The following ETAA1 variants were observed in gnomAD, a reference collection of about 807,000 sequenced individuals.
ETAA1 encodes the protein ewing's tumor-associated antigen 1.
In ETAA1, 49 loss-of-function variants were observed where a neutral mutation model predicts 76.8. The ratio of observed to expected loss-of-function variants is 0.64; its 90% confidence interval spans 0.51 to 0.81. The LOEUF (loss-of-function observed/expected upper bound fraction) is 0.81. ETAA1 is among the 30% of genes least tolerant of loss of function. The pLI is 0.00. For synonymous variants in ETAA1, 373 were observed against 372.2 expected (o/e 1.00, Z -0.03); for missense variants, 1,099 against 1,074.0 (o/e 1.02, Z -0.32).
chr2:67,405,511 A>G (rs1676193076), intron 5 of ETAA1, among the ~76,000 whole-genome samples, 176 bp downstream of exon 5: 3 of 152,028 alleles, frequency 2.0e-5, no homozygotes, highest in Admixed American at 2.0e-4. Flanking sequence ...ATACGGCATT[A>G]TACAGAGTAG....
At position 67,410,257 on chromosome 2, in the gene ETAA1, G is replaced by C. The variant is rs1676338108; in HGVS notation, c.*219G>C. The C allele has an allele frequency of 2.1e-6, 1 of 480,954 alleles. No individual in the cohort carries two copies. Among genetic ancestry groups the C allele is most frequent in the Non-Finnish European group, 3.6e-6 (1 of 276,714 alleles). The allele number at this position is 480,954 out of a possible 1,614,324, so 29.8% of individuals were successfully genotyped here. A position where few individuals can be genotyped will look rare whatever the true frequency, so the allele number is the denominator to read the frequency against. On this transcript the variant is annotated 3_prime_UTR_variant, in exon 6 of 6. Transcript: ENST00000272342. The stretch of plus-strand genomic sequence containing the variant: ...AAATACAAAAGTTTTGGAAATTCAG[G>C]AAAGTTAGCAATTATGTACGGATAT...
chr2:67,399,622 C>T lies in ETAA1; in HGVS notation c.425C>T (p.Pro142Leu), dbSNP rs1352650361. ...TCACATATTGTTAATCGTATTGCTC[C>T]TCAGGTAAATATCACTAGTTTTACA... ...EISHIVNRIA[P>L]QDEKPTTNSM... The change falls in exon 3 of 6, where the codon CCT becomes CTT. Residue 142 changes from proline (P) to leucine (L), a missense_variant. Physicochemically the swap from Pro to Leu is moderately conservative, Grantham distance 98 (BLOSUM62 -3). Coordinates refer to ENST00000272342, the MANE Select transcript of ETAA1 (RefSeq NM_019002.4). 6.3e-7 allele frequency: 1 copy of T among 1,598,982 alleles called. No individual in the cohort carries two copies. Among genetic ancestry groups the T allele is most frequent in the African/African-American group, 1.3e-5 (1 of 74,496 alleles).
rs762004289 is a variant in ETAA1 at position 67,403,481 on chromosome 2, C to A, written c.799C>A (p.Gln267Lys). 5 of 1,613,294 alleles carry A rather than the reference C, an allele frequency of 3.1e-6. No homozygotes were observed. Among genetic ancestry groups the A allele is most frequent in the South Asian group, 1.1e-5 (1 of 91,038 alleles). The change falls in exon 5 of 6, where the codon CAA (glutamine) becomes AAA (lysine). Residue 267 changes from glutamine to lysine, a missense_variant. By Grantham distance (53) the Gln-to-Lys change is moderately conservative. Transcript: ENST00000272342. ...GNTKISVANN[Q>K]NSSQKPFDQI... ...CACCAAGATATCTGTGGCAAATAAT[C>A]AAAATAGCAGTCAGAAGCCATTTGA...
chr2:67,403,051 G>C, intron 4 of ETAA1, 77 bp downstream of exon 4: 1 of 1,295,278 alleles, frequency 7.7e-7, no homozygotes, highest in Non-Finnish European at 1.0e-6. Flanking sequence ...TTGGTTTTGT[G>C]AATATATCAA....
rs981127379 is a variant in ETAA1, at chr2:67,410,909, G to A, written c.*871G>A. The A allele has an allele frequency of 6.6e-6, 1 of 151,956 alleles. No individual in the cohort carries two copies. Among genetic ancestry groups the A allele is most frequent in the African/African-American group, 2.4e-5 (1 of 41,406 alleles). The allele number at this position is 151,956 out of a possible 1,614,324, so 9.4% of individuals were successfully genotyped here. A position where few individuals can be genotyped will look rare whatever the true frequency, so the allele number is the denominator to read the frequency against. On this transcript the variant is annotated 3_prime_UTR_variant, in exon 6 of 6. Coordinates refer to ENST00000272342, the MANE Select transcript of ETAA1 (RefSeq NM_019002.4). ...TAACTTGAGGGAGTATTATTTTCTAGTATAAAACAAAAGATGTAATTAAAA... is the reference window on the plus strand; with the variant it reads ...TAACTTGAGGGAGTATTATTTTCTAATATAAAACAAAAGATGTAATTAAAA...
Position 67,410,335 on chromosome 2 carries a change from C to CA in ETAA1, c.*303dup, listed in dbSNP as rs1167489897. 1 of 216,452 alleles carries CA rather than the reference C, an allele frequency of 4.6e-6. No homozygotes were observed. The highest frequency in any genetic ancestry group is 9.0e-6 in the Non-Finnish European group (1 of 111,222). 13.4% of individuals were successfully genotyped at this position (216,452 alleles called of 1,614,324 possible). ...AAATGCTATTATTGCAGAGGATCAT[C>CA]AAAAAAGAGGTAATCTACGTTATTT... On this transcript the variant is annotated 3_prime_UTR_variant, in exon 6 of 6. Coordinates refer to ENST00000272342, the MANE Select transcript of ETAA1 (RefSeq NM_019002.4).
intron 5 of ETAA1, among the ~76,000 whole-genome samples, chr2:67,407,533 T>C (rs1299384904): frequency 6.6e-6 from 1 of 152,144 alleles, no homozygotes; most frequent in African/African-American, 2.4e-5. Flanking sequence ...GAGTTGACCC[T>C]TGAACAGTGT....
rs1475317915 is a variant in ETAA1 at position 67,397,468 on chromosome 2, A to G, written c.20A>G (p.His7Arg). The G allele has an allele frequency of 3.7e-6, 6 of 1,600,520 alleles. No individual in the cohort carries two copies. The highest frequency in any genetic ancestry group is 5.1e-6 in the Non-Finnish European group (6 of 1,173,524). The change falls in exon 1 of 6, where the codon CAT (histidine) becomes CGT (arginine). Residue 7 changes from histidine (H) to arginine (R), a missense_variant. His to Arg is a conservative substitution (Grantham distance 29). Transcript: ENST00000272342. MSRRRKHDDSPSPKKTP... is the reference protein window; with the variant it reads MSRRRKRDDSPSPKKTP... ...TAGGCAATGAGTCGGCGAAGGAAAC[A>G]TGATGACAGCCCTAGCCCGAAGAAA...
Position 67,405,351 on chromosome 2 carries a change from G to C in ETAA1, c.2653+16G>C, listed in dbSNP as rs1030233833. 1 of 1,483,516 alleles carries C rather than the reference G, an allele frequency of 6.7e-7. No individual in the cohort carries two copies. Among genetic ancestry groups the C allele is most frequent in the Non-Finnish European group, 9.0e-7 (1 of 1,115,718 alleles). 91.9% of individuals were successfully genotyped at this position (1,483,516 alleles called of 1,614,324 possible). On this transcript the variant is annotated intron_variant, in intron 5 of 5. Coordinates refer to ENST00000272342, the MANE Select transcript of ETAA1 (RefSeq NM_019002.4). ...TCTTCAAAAGGTATGTATGAAATATGAAATAGTTTTCTTTGAAAAGCATCT... is the reference window on the plus strand; with the variant it reads ...TCTTCAAAAGGTATGTATGAAATATCAAATAGTTTTCTTTGAAAAGCATCT...
Position 67,404,864 on chromosome 2 carries a change from C to T in ETAA1, c.2182C>T (p.Pro728Ser). ...GAAAGGGGAAATGTATGGAAATTCT[C>T]CAAGATTTTTAGGTGCCACAAATTT... ...MEKGEMYGNSPRFLGATNLTM... is the reference protein window; with the variant it reads ...MEKGEMYGNSSRFLGATNLTM... Residue 728 changes from proline (P) to serine (S), a missense_variant, in exon 5 of 6, where the codon CCA becomes TCA. Physicochemically the swap from Pro to Ser is moderately conservative, Grantham distance 74. This residue lies in a region of ETAA1 where 302 missense variants were observed against 278.1 expected (regional missense o/e 1.09). Transcript: ENST00000272342. 6.2e-7 allele frequency: 1 copy of T among 1,612,918 alleles called. No individual in the cohort carries two copies. The highest frequency in any genetic ancestry group is 8.5e-7 in the Non-Finnish European group (1 of 1,179,298).
At position 67,409,968 on chromosome 2, in the gene ETAA1, A is replaced by G; in HGVS notation, c.2711A>G (p.Glu904Gly). 6.2e-7 allele frequency: 1 copy of G among 1,609,122 alleles called. No homozygotes were observed. Among genetic ancestry groups the G allele is most frequent in the Non-Finnish European group, 8.5e-7 (1 of 1,178,090 alleles). ...GAAGAAATTCAGAGAAAAAGACAAG[A>G]AGCACTGGTTCGGAGAATGGCTAAA... ...SPEEIQRKRQ[E>G]ALVRRMAKAR... is the part of the protein sequence containing the mutation. The change falls in exon 6 of 6, where the codon GAA becomes GGA. Residue 904 changes from glutamate (E) to glycine (G), a missense_variant. Around this residue, in one of 3 missense-constraint regions of ETAA1, gnomAD observed 302 missense variants for 278.1 expected, o/e 1.09. Coordinates refer to ENST00000272342, the MANE Select transcript of ETAA1 (RefSeq NM_019002.4).
chr2:67,411,977 T>G lies in ETAA1; in HGVS notation c.*1939T>G, dbSNP rs1477031264. The G allele has an allele frequency of 6.6e-6, 1 of 152,020 alleles. No homozygotes were observed. Among genetic ancestry groups the G allele is most frequent in the East Asian group, 1.9e-4 (1 of 5,172 alleles). The allele number at this position is 152,020 out of a possible 1,614,324, so 9.4% of individuals were successfully genotyped here. On this transcript the variant is annotated 3_prime_UTR_variant, in exon 6 of 6. Coordinates refer to ENST00000272342, the MANE Select transcript of ETAA1 (RefSeq NM_019002.4). ...TTAGACTCAGCCTAATAAGTCTGTT[T>G]GAACCTCGTACCTAACCATCTTCAC... is the stretch of plus-strand genomic sequence containing the variant.
At chr2:67,400,722 T>TA (rs1166238987) in intron 3 of ETAA1, 2 of 152,326 alleles carry the variant, frequency 1.3e-5, no homozygotes, top group East Asian at 3.9e-4. Context: ...CTTGAATAGT[T>TA]ACTATATGTT....
chr2:67,407,911 C>T (rs1254141561), intron 5 of ETAA1, among the ~76,000 whole-genome samples: 1 of 151,940 alleles, frequency 6.6e-6, no homozygotes, highest in Admixed American at 6.6e-5. Flanking sequence ...AATGAGTGGA[C>T]TTGCCAGTTC....
At chr2:67,400,001 C>G (rs542166717) in intron 3 of ETAA1, among the ~76,000 whole-genome samples, 5 of 152,096 alleles carry the variant, frequency 3.3e-5, no homozygotes, top group Non-Finnish European at 5.9e-5. Context: ...ATTGGTACTT[C>G]CTGTCTGTAA....
Position 67,397,364 on chromosome 2 carries a change from G to C in ETAA1, c.-85G>C. On this transcript the variant is annotated 5_prime_UTR_variant, in exon 1 of 6. Transcript: ENST00000272342. ...CAAAATGGCGGCTGCCGTTGGTGCG[G>C]GGTGCGGTTTGTAGTGCTGTTGCCC... 2 of 1,384,882 alleles carry C rather than the reference G, an allele frequency of 1.4e-6. No individual in the cohort carries two copies. The highest frequency in any genetic ancestry group is 1.2e-5 in the South Asian group (1 of 80,258). The allele number at this position is 1,384,882 out of a possible 1,614,324, so 85.8% of individuals were successfully genotyped here.
intron 2 of ETAA1, 86 bp downstream of exon 2, chr2:67,399,383 C>G: frequency 7.7e-7 from 1 of 1,296,768 alleles, no homozygotes; most frequent in Non-Finnish European, 1.1e-6. Flanking sequence ...ATAATAGCAT[C>G]GGGAACCTCT....
chr2:67,402,505 T>C (rs188135832), intron 3 of ETAA1: 1 of 152,598 alleles, frequency 6.6e-6, no homozygotes, highest in East Asian at 1.9e-4. Context: ...CTAATGTTTT[T>C]ATAAGTATCT....
intron 5 of ETAA1, among the ~76,000 whole-genome samples, chr2:67,406,143 C>A (rs563127701): frequency 2.6e-5 from 4 of 152,250 alleles, no homozygotes; most frequent in African/African-American, 7.2e-5. Flanking sequence ...TATACTGTGA[C>A]CAACAAAGCT....
Sources: allele counts gnomAD v4.1 joint callset (sites outside exome capture counted in the v4.1 genomes callset), GRCh38; gene constraint gnomAD v4.1.1; regional missense constraint gnomAD v4.1.1; transcripts MANE v1.5; gene names NCBI Gene and HGNC (gene_info 2026-07-23, HGNC 2026-07-21).